Variants in KAZN observed in about 807,000 individuals in gnomAD.
KAZN encodes the protein kazrin, periplakin interacting protein.
In KAZN, 40 loss-of-function variants were observed where a neutral mutation model predicts 87.4. The ratio of observed to expected loss-of-function variants is 0.46; its 90% CI spans 0.36 to 0.60. The LOEUF is 0.60. Ranked by LOEUF, KAZN falls within the 20% of genes least tolerant of loss-of-function variation. KAZN has a pLI of 0.00. For missense variants in KAZN, 898 were observed against 1,073.9 expected (o/e 0.84, Z 2.29); for synonymous variants, 466 against 458.3 (o/e 1.02, Z -0.22).
intron 2 of KAZN, among the ~76,000 whole-genome samples, chr1:14,368,408 T>C (rs1478390202): frequency 6.6e-6 from 1 of 152,204 alleles, no homozygotes; most frequent in East Asian, 1.9e-4. Flanking sequence ...TGTCAGAGTG[T>C]TTATGAATGA....
At chr1:14,339,593 G>T (rs1657531453) in intron 2 of KAZN, among the ~76,000 whole-genome samples, 1 of 152,144 alleles carries the variant, frequency 6.6e-6, no homozygotes, top group Non-Finnish European at 1.5e-5. Flanking sequence ...TGATATTCGA[G>T]CTCAAAGGCA....
intron 1 of KAZN, among the ~76,000 whole-genome samples, chr1:14,929,160 C>G (rs989414445): frequency 6.6e-6 from 1 of 152,246 alleles, no homozygotes; most frequent in Non-Finnish European, 1.5e-5. Context: ...CCTGTGGGGC[C>G]TGATGCTACC....
intron 1 of KAZN, among the ~76,000 whole-genome samples, chr1:14,777,916 A>T (rs116244379): frequency 0.057 from 8,615 of 152,158 alleles, 514 homozygotes; most frequent in Admixed American, 0.2. Context: ...GTCTTTTAGC[A>T]TGCTAATTCA....
chr1:14,924,105 C>A, intron 1 of KAZN: 1 of 980,822 alleles, frequency 1.0e-6, no homozygotes, highest in African/African-American at 1.8e-5. Context: ...CCGGAAGGAG[C>A]GGGAGGAGGA....
At chr1:14,714,322 G>C (rs947257096) in intron 1 of KAZN, among the ~76,000 whole-genome samples, 1 of 152,040 alleles carries the variant, frequency 6.6e-6, no homozygotes, top group African/African-American at 2.4e-5. Context: ...GAGTATCCTT[G>C]TTCTCAATTA....
chr1:13,925,004 T>C (rs1640219671), intron 1 of KAZN, among the ~76,000 whole-genome samples: 1 of 152,232 alleles, frequency 6.6e-6, no homozygotes, highest in African/African-American at 2.4e-5. Context: ...TATGCCACCA[T>C]CAACAAAGTC....
rs1053412310 is a variant in KAZN at position 15,093,432 on chromosome 1, C to T, written c.1223-748C>T. Among the ~76,000 whole-genome samples, 8 of 151,402 alleles carry T rather than the reference C, an allele frequency of 5.3e-5. No individual in the cohort carries two copies. The South Asian group carries it at 8.4e-4, about 16-fold the overall frequency. On this transcript the variant is annotated intron_variant, in intron 8 of 14. Coordinates refer to ENST00000376030, the MANE Select transcript of KAZN (RefSeq NM_201628.3). Reference sequence around the variant, plus strand: ...CAGGAGACAGGTCTGTGCCTTTCTCCGAAGATGATTTTGAGGCCTCCAGAT... The same window carrying T: ...CAGGAGACAGGTCTGTGCCTTTCTCTGAAGATGATTTTGAGGCCTCCAGAT...
intron 2 of KAZN, among the ~76,000 whole-genome samples, chr1:14,381,623 C>T (rs1203883525): frequency 6.6e-6 from 1 of 152,160 alleles, no homozygotes; most frequent in Admixed American, 6.5e-5. Flanking sequence ...ATAAATTCAA[C>T]AGCCATTCAT....
chr1:14,943,007 G>GTGGTGT (rs1553160466), intron 1 of KAZN, among the ~76,000 whole-genome samples: 28 of 100,846 alleles, frequency 2.8e-4, no homozygotes, highest in African/African-American at 4.4e-5. Context: ...GTGTGTGTGT[G>GTGGTGT]GTGTGTGTGT....
chr1:13,938,540 T>G (rs1640822568), intron 1 of KAZN, among the ~76,000 whole-genome samples: 1 of 152,218 alleles, frequency 6.6e-6, no homozygotes. Flanking sequence ...ATTCCTGATT[T>G]CTCTAGCTAG....
chr1:14,412,203 C>A (rs1664364117), intron 2 of KAZN, among the ~76,000 whole-genome samples: 1 of 152,186 alleles, frequency 6.6e-6, no homozygotes. Flanking sequence ...GGGCATAAAT[C>A]TAAGTATATC....
At chr1:14,981,073 C>CG (rs1666200870) in intron 2 of KAZN, among the ~76,000 whole-genome samples, 1 of 152,162 alleles carries the variant, frequency 6.6e-6, no homozygotes, top group Non-Finnish European at 1.5e-5. Context: ...GCAGCCTCCT[C>CG]TGCAGAACAG....
intron 1 of KAZN, among the ~76,000 whole-genome samples, chr1:14,789,760 CAAAAAAAAAAAAAAAAAAAAAAAAAA>C (rs3032757): frequency 4.3e-5 from 2 of 46,234 alleles, no homozygotes; most frequent in African/African-American, 8.3e-5. Context: ...TCCTCATTAC[CAAAAAAAAAAAAAAAAAAAAAAAAAA>C]AAAAAAAAAA....
intron 1 of KAZN, among the ~76,000 whole-genome samples, chr1:14,878,254 G>C (rs12748696): frequency 0.36 from 54,123 of 151,868 alleles, 11,029 homozygotes; most frequent in South Asian, 0.47. Context: ...ACCAGAACAG[G>C]GCTTCTCAAC....
intron 14 of KAZN, chr1:15,113,492 CAAAT>C (rs1456615762): frequency 6.6e-6 from 1 of 152,068 alleles, no homozygotes; most frequent in Non-Finnish European, 1.5e-5. Context: ...GAAAGGCAGT[CAAAT>C]AAATAGTTAC....
At chr1:14,918,690 AAAAAAAAAAAAAAAAAAATATATATAT>A (rs1658106639) in intron 1 of KAZN, among the ~76,000 whole-genome samples, 1 of 34,860 alleles carries the variant, frequency 2.9e-5, no homozygotes, top group African/African-American at 1.0e-4. Context: ...AAAAAAAAAA[AAAAAAAAAAAAAAAAAAATATATATAT>A]ATATATATAT....
chr1:14,633,139 A>C (rs1679700732), intron 1 of KAZN, among the ~76,000 whole-genome samples: 1 of 151,878 alleles, frequency 6.6e-6, no homozygotes, highest in African/African-American at 2.4e-5. Context: ...CTGGTCTCGA[A>C]CTCCTGACCT....
intron 1 of KAZN, among the ~76,000 whole-genome samples, chr1:14,608,114 C>A (rs1677512285): frequency 6.6e-6 from 1 of 152,220 alleles, no homozygotes; most frequent in Non-Finnish European, 1.5e-5. Flanking sequence ...ACCCTGAAAT[C>A]TGCTCGCTTC....
chr1:14,774,070 A>G (rs1048768119), intron 1 of KAZN, among the ~76,000 whole-genome samples: 12 of 152,180 alleles, frequency 7.9e-5, no homozygotes, highest in Non-Finnish European at 1.2e-4. Flanking sequence ...AACGCTAGCA[A>G]AAGACCCCAC....
Sources: gnomAD v4.1 joint callset for allele counts (sites outside exome capture counted in the v4.1 genomes callset) on GRCh38, gnomAD v4.1.1 for gene constraint, MANE v1.5 for transcripts, NCBI Gene and HGNC (gene_info 2026-07-23, HGNC 2026-07-21) for gene names.